Variants in ITGA1 observed in about 807,000 individuals in gnomAD.
ITGA1 encodes integrin subunit alpha 1, also known as integrin alpha-1.
In ITGA1, 85 loss-of-function variants were observed where a neutral mutation model predicts 145.9. The ratio of observed to expected loss-of-function variants is 0.58; its 90% confidence interval spans 0.49 to 0.70. The LOEUF is 0.70. Among genes scored for constraint, ITGA1 ranks in the 30% least tolerant of loss-of-function variants. ITGA1 has a pLI of 0.00. For missense variants in ITGA1, 1,351 were observed against 1,418.7 expected (o/e 0.95, Z 0.77); for synonymous variants, 520 against 495.3 (o/e 1.05, Z -0.66).
At chr5:52,909,569 G>C (rs1197427862) in intron 13 of ITGA1, among the ~76,000 whole-genome samples, 1 of 152,032 alleles carries the variant, frequency 6.6e-6, no homozygotes, top group Non-Finnish European at 1.5e-5. Context: ...GCTCTTTATA[G>C]CAAAGCCAGT....
At chr5:52,795,999 A>G (rs923842293) in intron 1 of ITGA1, among the ~76,000 whole-genome samples, 1 of 152,026 alleles carries the variant, frequency 6.6e-6, no homozygotes. Flanking sequence ...TAGAAAAATC[A>G]GATTTGAAAG....
intron 7 of ITGA1, among the ~76,000 whole-genome samples, chr5:52,884,214 C>T (rs901934481): frequency 3.3e-5 from 5 of 152,094 alleles, no homozygotes; most frequent in South Asian, 2.1e-4. Flanking sequence ...GAGTCTGAGG[C>T]GGCTGGATCA....
At chr5:52,865,567 T>C (rs1419464680) in intron 5 of ITGA1, 123 bp from the exon 6 acceptor site, 1 of 716,270 alleles carries the variant, frequency 1.4e-6, no homozygotes, top group East Asian at 3.0e-5. Context: ...GCTAAAACAA[T>C]GTGTCTACTT....
At chr5:52,880,569 G>A (rs1401299769) in intron 6 of ITGA1, among the ~76,000 whole-genome samples, 2 of 152,154 alleles carry the variant, frequency 1.3e-5, no homozygotes, top group Admixed American at 1.3e-4. Flanking sequence ...GATTTCAGCA[G>A]AGGAGCCTGG....
chr5:52,881,828 G>T (rs1749964631), intron 6 of ITGA1, 45 bp from the exon 7 acceptor site: 1 of 1,557,214 alleles, frequency 6.4e-7, no homozygotes, highest in African/African-American at 1.4e-5. Flanking sequence ...AATCTGAACA[G>T]GAAATTTGGA....
At chr5:52,877,191 G>T (rs1162142681) in intron 6 of ITGA1, among the ~76,000 whole-genome samples, 1 of 152,128 alleles carries the variant, frequency 6.6e-6, no homozygotes, top group African/African-American at 2.4e-5. Flanking sequence ...GGAGGTTTTT[G>T]AACAAGTATG....
At chr5:52,864,611 T>G (rs1749654698) in intron 3 of ITGA1, 152 bp from the exon 4 acceptor site, 2 of 603,638 alleles carry the variant, frequency 3.3e-6, no homozygotes, top group Non-Finnish European at 5.9e-6. Context: ...GTTCATTATA[T>G]TCCTTAAGAA....
At chr5:52,806,808 T>C (rs3765141) in intron 1 of ITGA1, among the ~76,000 whole-genome samples, 77,462 of 152,044 alleles carry the variant, frequency 0.51, 20,517 homozygotes, top group African/African-American at 0.65. Context: ...AATTGAGAAA[T>C]GAATGAGTTT....
rs1364007169 is a variant in ITGA1, at chr5:52,887,824, A to T, written c.783A>T (p.Ala261=). The T allele has an allele frequency of 1.9e-6, 3 of 1,612,344 alleles. No individual in the cohort carries two copies. Among genetic ancestry groups the T allele is most frequent in the Non-Finnish European group, 2.5e-6 (3 of 1,178,850 alleles). Reference sequence around the variant, plus strand: ...TTTGTGATTACTTTAGAAAGGAGGCATTCACGGAAGCCCGGGGTGCCCGAA... The same window carrying T: ...TTTGTGATTACTTTAGAAAGGAGGCTTTCACGGAAGCCCGGGGTGCCCGAA... ...ALGIDTARKE[A]FTEARGARRG... is the part of the protein sequence containing the mutation. The change falls in exon 8 of 29, where the codon GCA becomes GCT. Residue 261 remains alanine, a synonymous_variant. Transcript: ENST00000282588.
At position 52,872,575 on chromosome 5, in the gene ITGA1, A is replaced by ATTTTTTTTTTTTTT. The variant is rs58664401; in HGVS notation, c.624+6763_624+6776dup. The stretch of plus-strand genomic sequence containing the variant: ...CTTCCCCTTACACCCGCCTCAGTCA[A>ATTTTTTTTTTTTTT]TTTTTTTTTTTTTTTTTTGTGGGTG... On this transcript the variant is annotated intron_variant, in intron 6 of 28. Transcript: ENST00000282588. Among the ~76,000 whole-genome samples the ATTTTTTTTTTTTTT allele has an allele frequency of 8.3e-3, 812 of 98,194 alleles. 35 individuals are homozygous for ATTTTTTTTTTTTTT. Among genetic ancestry groups the ATTTTTTTTTTTTTT allele is most frequent in the East Asian group, 0.011 (26 of 2,286 alleles). The allele number at this position is 98,194 out of a possible 152,430, so 64.4% of individuals were successfully genotyped here. A position where few individuals can be genotyped will look rare whatever the true frequency, so the allele number is the denominator to read the frequency against.
chr5:52,927,095 C>T (rs1323003851), intron 19 of ITGA1, among the ~76,000 whole-genome samples: 1 of 152,080 alleles, frequency 6.6e-6, no homozygotes, highest in Non-Finnish European at 1.5e-5. Context: ...ATGACTAAAC[C>T]ACTTGATAGA....
At chr5:52,894,489 A>C (rs1750196779) in intron 9 of ITGA1, among the ~76,000 whole-genome samples, 1 of 152,084 alleles carries the variant, frequency 6.6e-6, no homozygotes, top group Non-Finnish European at 1.5e-5. Flanking sequence ...CAAGTAGCTA[A>C]TTACTTTGGA....
chr5:52,800,765 G>T, intron 1 of ITGA1: 1 of 1,614,170 alleles, frequency 6.2e-7, no homozygotes, highest in Non-Finnish European at 8.5e-7. Context: ...GTACTGGAGC[G>T]CATCGAGCAG....
intron 1 of ITGA1, among the ~76,000 whole-genome samples, chr5:52,834,402 G>T (rs950865661): frequency 6.6e-6 from 1 of 151,848 alleles, no homozygotes; most frequent in African/African-American, 2.4e-5. Context: ...ATCCTCACAC[G>T]GCCTTATCTC....
chr5:52,891,828 TA>T (rs1441871561), intron 8 of ITGA1, among the ~76,000 whole-genome samples: 1 of 151,968 alleles, frequency 6.6e-6, no homozygotes. Flanking sequence ...TGGGGATTTT[TA>T]AATTTTTTTG....
At chr5:52,864,740 A>T (rs1290085809) in intron 3 of ITGA1, 23 bp from the exon 4 acceptor site, 1 of 1,474,864 alleles carries the variant, frequency 6.8e-7, no homozygotes, top group Admixed American at 1.8e-5. Flanking sequence ...TTCCTCCCTC[A>T]TAAAATTTTG....
chr5:52,869,273 G>A (rs983942094), intron 6 of ITGA1, among the ~76,000 whole-genome samples: 59 of 152,262 alleles, frequency 3.9e-4, no homozygotes, highest in African/African-American at 1.4e-3. Flanking sequence ...CAATTCTCGT[G>A]CCTCAGCCTT....
chr5:52,904,532 A>C (rs1292299628), intron 11 of ITGA1: 1 of 152,184 alleles, frequency 6.6e-6, no homozygotes, highest in African/African-American at 2.4e-5. Context: ...AGACAATCAA[A>C]ATTTTAAAGA....
At chr5:52,926,959 A>G in intron 19 of ITGA1, among the ~76,000 whole-genome samples, 1 of 152,162 alleles carries the variant, frequency 6.6e-6, no homozygotes, top group South Asian at 2.1e-4. Flanking sequence ...ACATTCTTGT[A>G]ATTGCATTTT....
Sources: allele counts gnomAD v4.1 joint callset (sites outside exome capture counted in the v4.1 genomes callset), GRCh38; gene constraint gnomAD v4.1.1; transcripts MANE v1.5; gene names NCBI Gene and HGNC (gene_info 2026-07-23, HGNC 2026-07-21).